The following GRID1 variants were observed in gnomAD, a reference collection of about 807,000 sequenced individuals.
GRID1 encodes the protein glutamate ionotropic receptor delta type subunit 1.
GRID1 carries 28 observed loss-of-function variants against 98.0 expected under a neutral mutation model. That is an observed-to-expected ratio of 0.29 (90% CI 0.21 to 0.39). The LOEUF (loss-of-function observed/expected upper bound fraction) is 0.39, where lower values mean the gene tolerates loss of function less well. GRID1 is among the 10% of genes least tolerant of loss of function. GRID1 has a pLI of 1.00. For missense variants in GRID1, 1,111 were observed against 1,340.5 expected, an observed-to-expected ratio of 0.83 and a Z score of 2.67; for synonymous variants, 553 against 538.5, an observed-to-expected ratio of 1.03 and a Z score of -0.37.
chr10:85,655,764 CGAAAACTAGT>C, intron 12 of GRID1, among the ~76,000 whole-genome samples: 1 of 152,136 alleles, frequency 6.6e-6, no homozygotes, highest in East Asian at 1.9e-4. Flanking sequence ...ACTCCCTTCT[CGAAAACTAGT>C]GAATAGTTGC....
chr10:86,002,589 T>C lies in GRID1; in HGVS notation c.727-86350A>G, dbSNP rs1237503809. On this transcript the variant is annotated intron_variant, in intron 4 of 15. Coordinates refer to ENST00000327946, the MANE Select transcript of GRID1 (RefSeq NM_017551.3). ...GTGGTTACTGGGCCTGGGAGGAGTA[T>C]AAACAAATGTCTCTCCACTTACAAC... Among the ~76,000 whole-genome samples the C allele has an allele frequency of 2.6e-5, 4 of 152,328 alleles. No homozygotes were observed. In the East Asian group the frequency reaches 7.7e-4, roughly 29 times the overall value.
At chr10:86,157,352 A>G (rs767660656) in intron 3 of GRID1, among the ~76,000 whole-genome samples, 3 of 152,180 alleles carry the variant, frequency 2.0e-5, no homozygotes, top group Non-Finnish European at 2.9e-5. Context: ...GGCTAAGGAC[A>G]TGGCATGAGA....
intron 4 of GRID1, among the ~76,000 whole-genome samples, chr10:85,975,021 C>T (rs957322114): frequency 9.9e-5 from 15 of 152,190 alleles, no homozygotes; most frequent in African/African-American, 3.6e-4. Context: ...GCTTAAAATT[C>T]TGTGTTTCTC....
intron 4 of GRID1, among the ~76,000 whole-genome samples, chr10:86,004,616 G>T (rs1283826413): frequency 6.6e-6 from 1 of 152,056 alleles, no homozygotes; most frequent in Non-Finnish European, 1.5e-5. Context: ...TGCATTATTG[G>T]CCCTCTCCTG....
At chr10:86,296,773 GCATACATACACACATA>G (rs1421450058) in intron 2 of GRID1, among the ~76,000 whole-genome samples, 2 of 135,870 alleles carry the variant, frequency 1.5e-5, no homozygotes, top group African/African-American at 5.4e-5. Context: ...ATACATACAT[GCATACATACACACATA>G]CATACATACA....
intron 4 of GRID1, among the ~76,000 whole-genome samples, chr10:85,967,950 G>C (rs1026345501): frequency 2.0e-5 from 3 of 152,044 alleles, no homozygotes; most frequent in Non-Finnish European, 2.9e-5. Flanking sequence ...GAGAAATTAA[G>C]ACATTCACAG....
At position 86,338,087 on chromosome 10, in the gene GRID1, C is replaced by T. The variant is rs189328330; in HGVS notation, c.235+25854G>A. ...GGGCTGGCCAATGAAAATACTCCTC[C>T]CTGATAACACTGATTGGCTCTTGGA... On this transcript the variant is annotated intron_variant, in intron 2 of 15. Transcript: ENST00000327946. Among the ~76,000 whole-genome samples, 325 of 152,274 alleles carry T rather than the reference C, an allele frequency of 2.1e-3. 2 individuals are homozygous for T. Among genetic ancestry groups the T allele is most frequent in the Non-Finnish European group, 4.2e-3 (284 of 68,026 alleles).
chr10:85,943,135 T>C (rs1004986395), intron 4 of GRID1, among the ~76,000 whole-genome samples: 9 of 152,174 alleles, frequency 5.9e-5, no homozygotes, highest in Non-Finnish European at 1.2e-4. Context: ...TGATAAACTA[T>C]TTCTGGCAGA....
chr10:86,215,762 A>G (rs1414813320), intron 2 of GRID1, among the ~76,000 whole-genome samples: 1 of 152,100 alleles, frequency 6.6e-6, no homozygotes, highest in Non-Finnish European at 1.5e-5. Flanking sequence ...CTCCCCTATC[A>G]GCCAACTGGT....
intron 4 of GRID1, among the ~76,000 whole-genome samples, chr10:85,939,448 C>CG (rs1283809664): frequency 2.6e-5 from 4 of 152,146 alleles, no homozygotes; most frequent in Non-Finnish European, 5.9e-5. Context: ...GACAGGGCTG[C>CG]GTTCCTGTCT....
chr10:86,291,790 C>T (rs959041013), intron 2 of GRID1, among the ~76,000 whole-genome samples: 1 of 152,212 alleles, frequency 6.6e-6, no homozygotes, highest in Non-Finnish European at 1.5e-5. Context: ...ATGCTAGCAC[C>T]ATGCCCTGAG....
intron 4 of GRID1, among the ~76,000 whole-genome samples, chr10:86,023,930 A>C (rs189990037): frequency 1.3e-5 from 2 of 152,276 alleles, no homozygotes; most frequent in Admixed American, 1.3e-4. Context: ...CAAAAATAAT[A>C]ATCATCATCA....
At chr10:86,047,901 G>A (rs1445889629) in intron 4 of GRID1, among the ~76,000 whole-genome samples, 1 of 152,188 alleles carries the variant, frequency 6.6e-6, no homozygotes, top group Non-Finnish European at 1.5e-5. Context: ...TGCTGATGAA[G>A]GCATTTGGAT....
At chr10:85,843,152 T>C (rs1842975470) in intron 8 of GRID1, among the ~76,000 whole-genome samples, 1 of 151,896 alleles carries the variant, frequency 6.6e-6, no homozygotes, top group Non-Finnish European at 1.5e-5. Context: ...TATGCCAAAA[T>C]GATTTATGGC....
At chr10:85,790,759 G>C (rs759012939) in intron 8 of GRID1, among the ~76,000 whole-genome samples, 1 of 152,196 alleles carries the variant, frequency 6.6e-6, no homozygotes, top group Non-Finnish European at 1.5e-5. Flanking sequence ...GAGAACAGCA[G>C]TGGCTGACTG....
chr10:86,305,508 C>A (rs1052355908), intron 2 of GRID1, among the ~76,000 whole-genome samples: 1 of 152,226 alleles, frequency 6.6e-6, no homozygotes, highest in Non-Finnish European at 1.5e-5. Context: ...TCTCCTTGGT[C>A]CCTCATGCCT....
chr10:85,870,449 T>C (rs1843267401), intron 5 of GRID1, among the ~76,000 whole-genome samples: 1 of 152,248 alleles, frequency 6.6e-6, no homozygotes, highest in Non-Finnish European at 1.5e-5. Context: ...CTTCACCTTG[T>C]GATCGTGTGA....
At chr10:86,152,559 C>T (rs1845184043) in intron 3 of GRID1, among the ~76,000 whole-genome samples, 1 of 152,244 alleles carries the variant, frequency 6.6e-6, no homozygotes, top group Admixed American at 6.5e-5. Context: ...AGGGCTGTGG[C>T]TCCCCTGTGG....
At chr10:85,740,950 C>T (rs904502834) in intron 8 of GRID1, among the ~76,000 whole-genome samples, 27 of 152,010 alleles carry the variant, frequency 1.8e-4, no homozygotes, top group African/African-American at 6.3e-4. Context: ...GACTGCGTTT[C>T]ACCATGTTAA....
Sources: allele counts gnomAD v4.1 joint callset (sites outside exome capture counted in the v4.1 genomes callset), GRCh38; gene constraint gnomAD v4.1.1; transcripts MANE v1.5; gene names NCBI Gene and HGNC (gene_info 2026-07-23, HGNC 2026-07-21).